Variants in CUBN observed in about 807,000 individuals in gnomAD.
The protein encoded by CUBN is 460 kDa receptor.
CUBN carries 282 observed loss-of-function variants against 405.3 expected under a neutral mutation model. The ratio of observed to expected loss-of-function variants is 0.70; its 90% confidence interval spans 0.63 to 0.77. The LOEUF (loss-of-function observed/expected upper bound fraction) is 0.77. Ranked by LOEUF, CUBN falls within the 30% of genes least tolerant of loss-of-function variation. CUBN has a pLI of 0.00. For synonymous variants in CUBN, 1,684 were observed against 1,617.0 expected (o/e 1.04, Z -0.99); for missense variants, 4,514 against 4,475.2 (o/e 1.01, Z -0.25).
chr10:16,996,959 G>A (rs1833751102), intron 28 of CUBN, among the ~76,000 whole-genome samples: 1 of 152,186 alleles, frequency 6.6e-6, no homozygotes, highest in Non-Finnish European at 1.5e-5. Flanking sequence ...AAAAGCCAAG[G>A]CACAGTGAAA....
rs1460060781 is a variant in CUBN at position 16,945,283 on chromosome 10, C to G, written c.5342+1952G>C. ...AGGGCTTTGGATTTTATTCTAAGGACAATGATGGTGTTTTATTGATCAATA... is the reference window on the plus strand; with the variant it reads ...AGGGCTTTGGATTTTATTCTAAGGAGAATGATGGTGTTTTATTGATCAATA... On this transcript the variant is annotated intron_variant, in intron 36 of 66. Transcript: ENST00000377833. Among the ~76,000 whole-genome samples, 3 of 152,102 alleles carry G rather than the reference C, an allele frequency of 2.0e-5. No individual in the cohort carries two copies. In the East Asian group the frequency reaches 5.8e-4, roughly 29 times the overall value.
At chr10:17,073,807 C>G (rs1423027633) in intron 17 of CUBN, among the ~76,000 whole-genome samples, 3 of 152,172 alleles carry the variant, frequency 2.0e-5, no homozygotes, top group Non-Finnish European at 4.4e-5. Context: ...GGTTCAAAAC[C>G]TACCTCTGTC....
chr10:16,994,964 G>A (rs765795327), intron 28 of CUBN, among the ~76,000 whole-genome samples: 5 of 152,210 alleles, frequency 3.3e-5, no homozygotes, highest in Admixed American at 6.5e-5. Context: ...GGTGGTATGC[G>A]CCTGTAATCT....
At position 16,836,245 on chromosome 10, in the gene CUBN, A is replaced by G. The variant is rs771266321; in HGVS notation, c.10170T>C (p.Tyr3390=). 1 of 1,613,634 alleles carries G rather than the reference A, an allele frequency of 6.2e-7. No homozygotes were observed. Among genetic ancestry groups the G allele is most frequent in the South Asian group, 1.1e-5 (1 of 91,066 alleles). ...AGTTCCTGGCCTCACCTGCAATCTG[A>G]TAGGTGAAACTCATTCTAGAGTTTC... ...VNRNSRMSFT[Y]QIADCNRDYH... is the part of the protein sequence containing the mutation. Residue 3390 remains tyrosine (Y), a synonymous_variant, in exon 63 of 67, where the codon TAT becomes TAC. Coordinates refer to ENST00000377833, the MANE Select transcript of CUBN (RefSeq NM_001081.4).
At chr10:16,874,237 CT>C in intron 58 of CUBN, 136 bp downstream of exon 58, 2 of 952,708 alleles carry the variant, frequency 2.1e-6, no homozygotes, top group Non-Finnish European at 1.7e-6. Context: ...GAACTGTCAT[CT>C]AGGAACATCA....
At chr10:17,115,325 C>G in intron 7 of CUBN, 146 bp downstream of exon 7, 1 of 872,484 alleles carries the variant, frequency 1.1e-6, no homozygotes, top group South Asian at 1.4e-5. Context: ...GTTCATCTCC[C>G]CTCCTCGCCT....
chr10:17,042,665 T>C (rs2131816639), intron 26 of CUBN, among the ~76,000 whole-genome samples: 1 of 152,300 alleles, frequency 6.6e-6, no homozygotes. Context: ...GGAGACCTTT[T>C]TATGTACTAG....
intron 27 of CUBN, among the ~76,000 whole-genome samples, chr10:17,027,236 G>A (rs1476146740): frequency 6.6e-6 from 1 of 152,158 alleles, no homozygotes; most frequent in Non-Finnish European, 1.5e-5. Context: ...TCTCAGAACT[G>A]TTTCTAATGG....
chr10:17,066,937 A>G (rs1835623703), intron 21 of CUBN, among the ~76,000 whole-genome samples: 1 of 152,168 alleles, frequency 6.6e-6, no homozygotes, highest in African/African-American at 2.4e-5. Context: ...ATATCAAGCA[A>G]TGTAGGACAA....
chr10:16,836,085 G>A (rs1293252731), intron 63 of CUBN, 150 bp downstream of exon 63: 22 of 744,694 alleles, frequency 3.0e-5, no homozygotes, highest in Non-Finnish European at 4.9e-5. Context: ...GCTAAATTGG[G>A]CTGGGTTCTA....
chr10:16,921,752 A>T lies in CUBN; in HGVS notation c.6647-1615T>A, dbSNP rs573295178. ...CTGTAGGCCTTTCATCTCACTCTGAATAATTCCCCAATTGCTGTCATACAT... is the reference window on the plus strand; with the variant it reads ...CTGTAGGCCTTTCATCTCACTCTGATTAATTCCCCAATTGCTGTCATACAT... On this transcript the variant is annotated intron_variant, in intron 43 of 66. Coordinates refer to ENST00000377833, the MANE Select transcript of CUBN (RefSeq NM_001081.4). Among the ~76,000 whole-genome samples the T allele has an allele frequency of 2.6e-5, 4 of 152,274 alleles. No homozygotes were observed. The South Asian group carries it at 8.3e-4, about 32-fold the overall frequency.
chr10:16,942,381 G>A (rs746349840), intron 36 of CUBN, among the ~76,000 whole-genome samples: 17 of 152,028 alleles, frequency 1.1e-4, no homozygotes, highest in African/African-American at 3.6e-4. Context: ...CCTGCAACTC[G>A]AAAATTAAAA....
chr10:17,029,258 G>A lies in CUBN; in HGVS notation c.4018-9275C>T, dbSNP rs1005560997. On this transcript the variant is annotated intron_variant, in intron 27 of 66. Coordinates refer to ENST00000377833, the MANE Select transcript of CUBN (RefSeq NM_001081.4). ...CTGCTGCAAATTAATGCAATCATAC[G>A]AAAATCCTTCATTGTGAAAGATGGT... 3.9e-5 allele frequency among the ~76,000 whole-genome samples: 6 copies of A among 152,170 alleles called. No individual in the cohort carries two copies. In the South Asian group the frequency reaches 6.2e-4, roughly 16 times the overall value.
At chr10:16,969,696 G>A (rs115169586) in intron 31 of CUBN, among the ~76,000 whole-genome samples, 4 of 152,042 alleles carry the variant, frequency 2.6e-5, no homozygotes, top group Admixed American at 2.0e-4. Flanking sequence ...TCTACTTGGC[G>A]AATTTTGCCT....
chr10:17,048,749 C>G (rs977750498), intron 22 of CUBN, among the ~76,000 whole-genome samples: 1 of 152,138 alleles, frequency 6.6e-6, no homozygotes, highest in African/African-American at 2.4e-5. Context: ...ATACAATAAA[C>G]TATTGTGTTT....
intron 64 of CUBN, among the ~76,000 whole-genome samples, chr10:16,833,654 AAAAG>A (rs1246577980): frequency 2.0e-5 from 3 of 152,142 alleles, no homozygotes; most frequent in African/African-American, 7.2e-5. Context: ...AAGAAGAAAG[AAAAG>A]AAAGAAAGAA....
chr10:16,956,478 T>C (rs1843068144), intron 31 of CUBN, among the ~76,000 whole-genome samples: 1 of 152,034 alleles, frequency 6.6e-6, no homozygotes, highest in Non-Finnish European at 1.5e-5. Context: ...TTGAACACTG[T>C]AAACAGTAGA....
At position 16,990,878 on chromosome 10, in the gene CUBN, G is replaced by A. The variant is rs577562333; in HGVS notation, c.4169-363C>T. ...AACATAGTCGGAAGTACAATGGACC[G>A]TGTGAGCCGTGGTCGTGAACTTCAG... On this transcript the variant is annotated intron_variant, in intron 28 of 66. Coordinates refer to ENST00000377833, the MANE Select transcript of CUBN (RefSeq NM_001081.4). Among the ~76,000 whole-genome samples, 7 of 152,216 alleles carry A rather than the reference G, an allele frequency of 4.6e-5. No homozygotes were observed. The East Asian group carries it at 7.7e-4, about 17-fold the overall frequency.
At chr10:17,123,794 T>C in intron 4 of CUBN, 105 bp from the exon 5 acceptor site, 1 of 746,258 alleles carries the variant, frequency 1.3e-6, no homozygotes, top group Non-Finnish European at 2.4e-6. Flanking sequence ...TCAGTGGGGG[T>C]CTCCTTCTAC....
Sources: gnomAD v4.1 joint callset for allele counts (sites outside exome capture counted in the v4.1 genomes callset) on GRCh38, gnomAD v4.1.1 for gene constraint, MANE v1.5 for transcripts, NCBI Gene and HGNC (gene_info 2026-07-23, HGNC 2026-07-21) for gene names.